RYR2: variants seen among roughly 807,000 people sequenced by gnomAD.
The protein encoded by RYR2 is cardiac muscle ryanodine receptor-calcium release channel.
A neutral mutation model predicts 601.1 loss-of-function variants in RYR2; 227 were observed. The ratio of observed to expected loss-of-function variants is 0.38; its 90% CI spans 0.34 to 0.42. The LOEUF is 0.42. RYR2 is among the 10% of genes least tolerant of loss of function. The pLI is 1.00. For missense variants in RYR2, 4,646 were observed against 6,156.5 expected (o/e 0.75, Z 8.21); for synonymous variants, 2,223 against 2,175.1 (o/e 1.02, Z -0.61).
intron 4 of RYR2, among the ~76,000 whole-genome samples, chr1:237,360,077 T>C (rs1304014305): frequency 1.3e-5 from 2 of 152,248 alleles, no homozygotes; most frequent in African/African-American, 4.8e-5. Flanking sequence ...TGTTTCTACC[T>C]GGAGAGTTGT....
intron 80 of RYR2, among the ~76,000 whole-genome samples, chr1:237,746,643 C>T (rs1692103958): frequency 6.6e-6 from 1 of 152,004 alleles, no homozygotes; most frequent in Non-Finnish European, 1.5e-5. Flanking sequence ...ATATGCTTTC[C>T]TGTAACTACT....
intron 12 of RYR2, among the ~76,000 whole-genome samples, chr1:237,430,388 T>C (rs1164664909): frequency 2.6e-5 from 4 of 151,944 alleles, no homozygotes; most frequent in Non-Finnish European, 5.9e-5. Context: ...TGATAGATTT[T>C]AATGTAATCT....
At chr1:237,259,953 A>G (rs1688362148) in intron 1 of RYR2, among the ~76,000 whole-genome samples, 1 of 152,220 alleles carries the variant, frequency 6.6e-6, no homozygotes, top group Non-Finnish European at 1.5e-5. Context: ...TCATATGGAT[A>G]TGATTGATGT....
At chr1:237,609,355 C>T (rs1393167642) in intron 35 of RYR2, among the ~76,000 whole-genome samples, 3 of 142,212 alleles carry the variant, frequency 2.1e-5, no homozygotes, top group Non-Finnish European at 3.1e-5. Context: ...TCCCTCCCCC[C>T]TTCTCCCCTT....
In RYR2 at chr1:237,795,297, C is replaced by A; in HGVS notation, c.13922C>A (p.Pro4641His). 1 of 1,402,048 alleles carries A rather than the reference C, an allele frequency of 7.1e-7. No individual in the cohort carries two copies. Among genetic ancestry groups the A allele is most frequent in the Admixed American group, 2.1e-5 (1 of 47,122 alleles). The allele number at this position is 1,402,048 out of a possible 1,614,324, so 86.9% of individuals were successfully genotyped here. A position where few individuals can be genotyped will look rare whatever the true frequency, so the allele number is the denominator to read the frequency against. The change falls in exon 96 of 105, where the codon CCC becomes CAC. Residue 4641 changes from proline to histidine, a missense_variant. By Grantham distance (77) the Pro-to-His change is moderately conservative (BLOSUM62 -2). This residue lies in a region of RYR2 where 37 missense variants were observed against 102.8 expected (regional missense o/e 0.36). Coordinates refer to ENST00000366574, the MANE Select transcript of RYR2 (RefSeq NM_001035.3). ...GCTTTTGTATATTTTAGGTCATTTC[C>A]CAACAACTACTGGGACAAATTTGTT... ...DRLVINTQSFPNNYWDKFVKR... is the reference protein window; with the variant it reads ...DRLVINTQSFHNNYWDKFVKR...
At chr1:237,128,974 G>C (rs1272356263) in intron 1 of RYR2, among the ~76,000 whole-genome samples, 1 of 152,082 alleles carries the variant, frequency 6.6e-6, no homozygotes, top group Non-Finnish European at 1.5e-5. Flanking sequence ...TTCTGGTGTG[G>C]AGAAGATTGA....
chr1:237,747,402 C>T (rs1692171597), intron 80 of RYR2, among the ~76,000 whole-genome samples: 1 of 152,208 alleles, frequency 6.6e-6, no homozygotes, highest in Admixed American at 6.5e-5. Flanking sequence ...CATATTCTCT[C>T]AGATGGATCT....
intron 27 of RYR2, among the ~76,000 whole-genome samples, chr1:237,564,215 G>A (rs768792453): frequency 1.3e-5 from 2 of 152,116 alleles, no homozygotes; most frequent in Non-Finnish European, 2.9e-5. Flanking sequence ...CTAACTCTGA[G>A]TAAAAATTTG....
intron 10 of RYR2, among the ~76,000 whole-genome samples, chr1:237,389,534 C>T (rs1304508298): frequency 6.6e-6 from 1 of 152,158 alleles, no homozygotes; most frequent in Non-Finnish European, 1.5e-5. Context: ...GTGACAAAAT[C>T]CAAGAACTTA....
Position 237,674,811 on chromosome 1 carries a change from A to G in RYR2, c.8795A>G (p.Tyr2932Cys). The change falls in exon 60 of 105, where the codon TAT (tyrosine) becomes TGT (cysteine). Residue 2932 changes from tyrosine to cysteine, a missense_variant. Around this residue, in one of 17 missense-constraint regions of RYR2, gnomAD observed 1,497 missense variants for 1,842.6 expected, o/e 0.81. Transcript: ENST00000366574. The part of the protein sequence containing the change: ...AYSFLQQLIR[Y>C]VDEAHQYILE... ...AGTTTCCTCCAACAACTCATTCGCT[A>G]TGTGGATGAAGCCCATCAGTATATC... 1 of 1,610,300 alleles carries G rather than the reference A, an allele frequency of 6.2e-7. No homozygotes were observed. Among genetic ancestry groups the G allele is most frequent in the Non-Finnish European group, 8.5e-7 (1 of 1,176,930 alleles).
chr1:237,071,146 G>A (rs973220294), intron 1 of RYR2, among the ~76,000 whole-genome samples: 1 of 152,242 alleles, frequency 6.6e-6, no homozygotes, highest in African/African-American at 2.4e-5. Flanking sequence ...ACTCTCATGA[G>A]ACCTGAAGTG....
chr1:237,168,716 C>T (rs895393763), intron 1 of RYR2, among the ~76,000 whole-genome samples: 2 of 2,358 alleles, frequency 8.5e-4, no homozygotes, highest in Admixed American at 0.024. Context: ...ATGTGTGTGC[C>T]GGCATAAAGA....
intron 2 of RYR2, among the ~76,000 whole-genome samples, chr1:237,284,423 CAA>C (rs1405275964): frequency 7.8e-6 from 1 of 128,576 alleles, no homozygotes; most frequent in Non-Finnish European, 1.6e-5. Flanking sequence ...CAGGTCACTG[CAA>C]ATGCTGTTAA....
chr1:237,485,409 C>T lies in RYR2; in HGVS notation c.1709-6397C>T, dbSNP rs1250888318. Among the ~76,000 whole-genome samples the T allele has an allele frequency of 2.0e-5, 3 of 152,160 alleles. No individual in the cohort carries two copies. In the East Asian group the frequency reaches 5.8e-4, roughly 29 times the overall value. On this transcript the variant is annotated intron_variant, in intron 17 of 104. Transcript: ENST00000366574. ...AGGCAAAATTAAATCAATATCTGCT[C>T]TCAAGGGCTCGTTCTGTAATGGGGG...
intron 62 of RYR2, among the ~76,000 whole-genome samples, chr1:237,683,523 A>G (rs1686078424): frequency 1.3e-5 from 2 of 152,212 alleles, no homozygotes; most frequent in South Asian, 4.1e-4. Flanking sequence ...TTGATCTTGA[A>G]CAACTTGTAG....
chr1:237,467,184 A>T (rs1053584580), intron 16 of RYR2, among the ~76,000 whole-genome samples: 3 of 143,890 alleles, frequency 2.1e-5, no homozygotes, highest in African/African-American at 7.5e-5. Context: ...GATATATATT[A>T]TATATATACC....
chr1:237,392,533 T>G (rs1462845137), intron 10 of RYR2, among the ~76,000 whole-genome samples: 2 of 152,192 alleles, frequency 1.3e-5, no homozygotes, highest in Non-Finnish European at 2.9e-5. Context: ...AAATTTTATT[T>G]CAAGCCTGAC....
At chr1:237,484,662 C>T (rs1441956905) in intron 17 of RYR2, among the ~76,000 whole-genome samples, 1 of 152,206 alleles carries the variant, frequency 6.6e-6, no homozygotes, top group Non-Finnish European at 1.5e-5. Context: ...TTTTGTTCAA[C>T]CTCAGACAGC....
At chr1:237,770,471 A>G (rs1694182565) in intron 84 of RYR2, among the ~76,000 whole-genome samples, 2 of 152,204 alleles carry the variant, frequency 1.3e-5, no homozygotes, top group African/African-American at 2.4e-5. Flanking sequence ...GGTCCCTTCT[A>G]TGTACACCTT....
Sources: allele counts gnomAD v4.1 joint callset (sites outside exome capture counted in the v4.1 genomes callset), GRCh38; gene constraint gnomAD v4.1.1; regional missense constraint gnomAD v4.1.1; transcripts MANE v1.5; gene names NCBI Gene and HGNC (gene_info 2026-07-23, HGNC 2026-07-21).